HABP2: variants seen among roughly 807,000 people sequenced by gnomAD.
The protein encoded by HABP2 is factor VII-activating protease.
Under a neutral mutation model 66.5 loss-of-function variants are expected in HABP2, and 65 were observed. The ratio of observed to expected loss-of-function variants is 0.98; its 90% CI spans 0.80 to 1.20. The LOEUF (loss-of-function observed/expected upper bound fraction) is 1.20, where lower values mean the gene tolerates loss of function less well. HABP2 is among the 50% of genes most tolerant of loss of function. The probability of loss-of-function intolerance (pLI) is 0.00; values close to 1 mark genes in which losing one functional copy is unlikely to be tolerated. For missense variants in HABP2, 786 were observed against 691.0 expected, an observed-to-expected ratio of 1.14 and a Z score of -1.54; for synonymous variants, 263 against 253.9, an observed-to-expected ratio of 1.04 and a Z score of -0.34.
chr10:113,572,565 T>C lies in HABP2; in HGVS notation c.107-1724T>C, dbSNP rs1027055770. Reference sequence around the variant, plus strand: ...CAGCTCCTTATCAAACCCCATTGTCTCTCCTAAATGTCAGTTTGAAATCTT... The same window carrying C: ...CAGCTCCTTATCAAACCCCATTGTCCCTCCTAAATGTCAGTTTGAAATCTT... On this transcript the variant is annotated intron_variant, in intron 2 of 12. Transcript: ENST00000351270. The C allele has an allele frequency of 1.0e-4, 34 of 330,942 alleles. No individual in the cohort carries two copies. In the East Asian group the frequency reaches 2.9e-3, roughly 28 times the overall value. The allele number at this position is 330,942 out of a possible 1,614,324, so 20.5% of individuals were successfully genotyped here.
At chr10:113,561,196 G>A (rs376528367) in intron 1 of HABP2, among the ~76,000 whole-genome samples, 1 of 152,152 alleles carries the variant, frequency 6.6e-6, no homozygotes, top group African/African-American at 2.4e-5. Context: ...TCTTCTTGGG[G>A]GTGGGGAGTG....
At chr10:113,573,788 G>A (rs1845356172) in intron 2 of HABP2, among the ~76,000 whole-genome samples, 1 of 152,134 alleles carries the variant, frequency 6.6e-6, no homozygotes, top group African/African-American at 2.4e-5. Flanking sequence ...AAAATGATGA[G>A]TTTTCTTTGA....
At chr10:113,551,405 A>G (rs1844894983), upstream of HABP2, among the ~76,000 whole-genome samples, 1 of 152,262 alleles carries the variant, frequency 6.6e-6, no homozygotes, top group African/African-American at 2.4e-5. Context: ...TAGGAGAGTT[A>G]ACTAAATTAA....
rs1167745013 is a variant in HABP2, at chr10:113,589,347, A to G, written c.*978A>G. The G allele has an allele frequency of 5.3e-6, 3 of 567,572 alleles. No homozygotes were observed. In the Admixed American group the frequency reaches 9.8e-5, roughly 19 times the overall value. The allele number at this position is 567,572 out of a possible 1,614,324, so 35.2% of individuals were successfully genotyped here. A position where few individuals can be genotyped will look rare whatever the true frequency, so the allele number is the denominator to read the frequency against. ...GACTGTCATATCCAGCGAGTCCCTGACCCTTTCTGCGAATGTAACGAGCAA... is the reference window on the plus strand; with the variant it reads ...GACTGTCATATCCAGCGAGTCCCTGGCCCTTTCTGCGAATGTAACGAGCAA... On this transcript the variant is annotated 3_prime_UTR_variant, in exon 13 of 13. Coordinates refer to ENST00000351270, the MANE Select transcript of HABP2 (RefSeq NM_004132.5).
chr10:113,575,824 A>C, intron 3 of HABP2, 73 bp from the exon 4 acceptor site: 2 of 809,432 alleles, frequency 2.5e-6, no homozygotes, highest in African/African-American at 1.7e-5. Context: ...CTGAAATTTG[A>C]TGAAAAATTT....
intron 1 of HABP2, among the ~76,000 whole-genome samples, chr10:113,564,699 C>T (rs1845165262): frequency 6.6e-6 from 1 of 152,210 alleles, no homozygotes; most frequent in Admixed American, 6.5e-5. Context: ...AATGAATATT[C>T]TTCATCCAGA....
intron 12 of HABP2, among the ~76,000 whole-genome samples, chr10:113,587,054 C>T (rs552477289): frequency 6.6e-6 from 1 of 152,330 alleles, no homozygotes; most frequent in South Asian, 2.1e-4. Context: ...GTGGCTCAAG[C>T]CTGTAATCCC....
At position 113,583,332 on chromosome 10, in the gene HABP2, G is replaced by A. The variant is rs748679939; in HGVS notation, c.1211G>A (p.Arg404Lys). 3.5e-5 allele frequency: 57 copies of A among 1,612,994 alleles called. No homozygotes were observed. The highest frequency in any genetic ancestry group is 4.7e-5 in the Non-Finnish European group (55 of 1,179,050). ...KIFKYSHYNE[R>K]DEIPHNDIAL... ...TTCAAGTACAGCCACTACAATGAAA[G>A]AGATGAGATTCCCCACAATGATATT... Residue 404 changes from arginine (R) to lysine (K), a missense_variant, in exon 10 of 13, where the codon AGA (arginine) becomes AAA (lysine). Transcript: ENST00000351270.
At chr10:113,552,855 G>T (rs1019366223), upstream of HABP2, among the ~76,000 whole-genome samples, 3 of 152,188 alleles carry the variant, frequency 2.0e-5, no homozygotes, top group Non-Finnish European at 4.4e-5. Context: ...GAGCCAGGGG[G>T]CTATGTCAGC....
intron 1 of HABP2, among the ~76,000 whole-genome samples, chr10:113,561,113 T>C (rs1477182246): frequency 6.6e-6 from 1 of 152,192 alleles, no homozygotes; most frequent in East Asian, 1.9e-4. Flanking sequence ...ATAAAGTTGG[T>C]TAGACAGAAA....
rs771709976 is a variant in HABP2, at chr10:113,584,203, G to T, written c.1293G>T (p.Val431=). 1 of 1,613,548 alleles carries T rather than the reference G, an allele frequency of 6.2e-7. No homozygotes were observed. The highest frequency in any genetic ancestry group is 1.7e-5 in the Admixed American group (1 of 60,024). The change falls in exon 11 of 13, where the codon GTG becomes GTT. Residue 431 remains valine, a synonymous_variant. Transcript: ENST00000351270. ...ACTGTGCTCTAGAATCCAAATACGT[G>T]AAGACTGTGTGCTTGCCTGATGGGT... ...DGHCALESKY[V]KTVCLPDGSF...
chr10:113,585,917 A>G lies in HABP2; in HGVS notation c.1497A>G (p.Lys499=). 6.2e-7 allele frequency: 1 copy of G among 1,614,092 alleles called. No homozygotes were observed. Among genetic ancestry groups the G allele is most frequent in the Non-Finnish European group, 8.5e-7 (1 of 1,179,954 alleles). ...DSMICAGNLQ[K]PGQDTCQGDS... ...TGATCTGTGCAGGAAATCTTCAGAA[A>G]CCTGGGCAAGACACCTGCCAGGTCA... Residue 499 remains lysine, a synonymous_variant, in exon 12 of 13, where the codon AAA becomes AAG. Transcript: ENST00000351270.
At chr10:113,569,026 T>A (rs1845253921) in intron 2 of HABP2, among the ~76,000 whole-genome samples, 1 of 152,150 alleles carries the variant, frequency 6.6e-6, no homozygotes, top group African/African-American at 2.4e-5. Flanking sequence ...TTTATAGCTT[T>A]AATCAAACAG....
intron 1 of HABP2, among the ~76,000 whole-genome samples, chr10:113,563,758 G>A (rs1845144523): frequency 6.6e-6 from 1 of 152,188 alleles, no homozygotes; most frequent in Admixed American, 6.5e-5. Flanking sequence ...GGACCCCGAG[G>A]AAGGATGTCC....
chr10:113,561,694 A>C (rs1845103094), intron 1 of HABP2, among the ~76,000 whole-genome samples: 1 of 152,104 alleles, frequency 6.6e-6, no homozygotes. Context: ...ATCTGGCCCT[A>C]TCTCCCCCAT....
In HABP2 at chr10:113,583,176, A is replaced by C. The variant is rs1461086817; in HGVS notation, c.1095-40A>C. The C allele has an allele frequency of 3.7e-6, 6 of 1,604,470 alleles. No homozygotes were observed. The Admixed American group carries it at 1.0e-4, about 27-fold the overall frequency. ...TTTGCCAAAGGCCACACAGCTGAGC[A>C]GAAACAGTGCCTTCCTGACCATCTC... On this transcript the variant is annotated intron_variant, in intron 9 of 12. Transcript: ENST00000351270.
Position 113,589,308 on chromosome 10 carries a change from G to A in HABP2, c.*939G>A, listed in dbSNP as rs1030536592. On this transcript the variant is annotated 3_prime_UTR_variant, in exon 13 of 13. Coordinates refer to ENST00000351270, the MANE Select transcript of HABP2 (RefSeq NM_004132.5). ...TGGCTTCTTTCTTCTGAACAAAGTA[G>A]GGTTCAAAATGCAGACTGTCATATC... 17 of 578,252 alleles carry A rather than the reference G, an allele frequency of 2.9e-5. No individual in the cohort carries two copies. In the South Asian group the frequency reaches 3.0e-4, roughly 10 times the overall value. 35.8% of individuals were successfully genotyped at this position (578,252 alleles called of 1,614,324 possible). A position where few individuals can be genotyped will look rare whatever the true frequency, so the allele number is the denominator to read the frequency against.
intron 8 of HABP2, 70 bp from the exon 9 acceptor site, chr10:113,581,806 T>A (rs545930754): frequency 6.5e-7 from 1 of 1,532,534 alleles, no homozygotes; most frequent in South Asian, 1.1e-5. Context: ...GAGTCATACC[T>A]CTGCCTGAGC....
intron 1 of HABP2, among the ~76,000 whole-genome samples, chr10:113,558,559 A>G (rs187965440): frequency 3.3e-5 from 5 of 152,312 alleles, no homozygotes; most frequent in African/African-American, 9.6e-5. Context: ...CTGAGAAAAG[A>G]AAGACTTTCT....
Sources: gnomAD v4.1 joint callset for allele counts (sites outside exome capture counted in the v4.1 genomes callset) on GRCh38, gnomAD v4.1.1 for gene constraint, MANE v1.5 for transcripts, NCBI Gene and HGNC (gene_info 2026-07-23, HGNC 2026-07-21) for gene names.